NEK3: variants seen among roughly 807,000 people sequenced by gnomAD.
NEK3 encodes serine/threonine-protein kinase Nek3.
In NEK3, 54 loss-of-function variants were observed where a neutral mutation model predicts 66.0. The observed-to-expected ratio is 0.82, with a 90% CI of 0.66 to 1.03. The LOEUF is 1.03. NEK3 is among the 50% of genes least tolerant of loss of function. The pLI is 0.00. For missense variants in NEK3, 593 were observed against 603.0 expected (o/e 0.98, Z 0.17); for synonymous variants, 200 against 206.2 (o/e 0.97, Z 0.26).
Position 52,153,956 on chromosome 13 carries a change from T to C in NEK3, c.248A>G (p.Asp83Gly), listed in dbSNP as rs750044982. 2.5e-6 allele frequency: 4 copies of C among 1,612,912 alleles called. No homozygotes were observed. Among genetic ancestry groups the C allele is most frequent in the Non-Finnish European group, 3.4e-6 (4 of 1,179,274 alleles). ...GHLYIVMEYC[D>G]GGDLMQKIKQ... Reference sequence around the variant, plus strand: ...AATCTTTTGCATTAGATCCCCTCCATCACAGTATTCCATCACAATATACAA... The same window carrying C: ...AATCTTTTGCATTAGATCCCCTCCACCACAGTATTCCATCACAATATACAA... The change falls in exon 4 of 16, where the codon GAT becomes GGT. Residue 83 changes from aspartate (D) to glycine (G), a missense_variant. Asp to Gly is a moderately conservative substitution (Grantham distance 94, BLOSUM62 -1). Coordinates refer to ENST00000610828, the MANE Select transcript of NEK3 (RefSeq NM_002498.3).
upstream of NEK3, chr13:52,159,820 G>A (rs1366893199): frequency 6.6e-6 from 1 of 152,200 alleles, no homozygotes; most frequent in Admixed American, 6.5e-5. Flanking sequence ...TAAATTTCAC[G>A]GGCACAGCAC....
At chr13:52,151,785 T>C (rs965138739) in intron 5 of NEK3, among the ~76,000 whole-genome samples, 12 of 152,208 alleles carry the variant, frequency 7.9e-5, no homozygotes, top group South Asian at 2.1e-4. Context: ...CATAACCACA[T>C]TTCAGTCAAC....
intron 1 of NEK3, chr13:52,156,670 T>C (rs1388467051): frequency 6.5e-6 from 1 of 152,814 alleles, no homozygotes; most frequent in East Asian, 1.9e-4. Flanking sequence ...AGCATTCCCC[T>C]ACTTTTGTCT....
intron 11 of NEK3, 118 bp from the exon 12 acceptor site, chr13:52,137,020 G>T: frequency 3.4e-6 from 2 of 592,724 alleles, no homozygotes; most frequent in Non-Finnish European, 5.5e-6. Flanking sequence ...TAAAATACAT[G>T]AATAATCATA....
At chr13:52,140,384 G>A (rs1219714468) in intron 11 of NEK3, among the ~76,000 whole-genome samples, 1 of 152,108 alleles carries the variant, frequency 6.6e-6, no homozygotes, top group Non-Finnish European at 1.5e-5. Flanking sequence ...TGAGATGGGT[G>A]CATCACAAGG....
At chr13:52,144,493 A>G (rs1323910890) in intron 9 of NEK3, among the ~76,000 whole-genome samples, 198 bp downstream of exon 9, 1 of 152,240 alleles carries the variant, frequency 6.6e-6, no homozygotes, top group East Asian at 1.9e-4. Flanking sequence ...GGAAGGATAT[A>G]CAAACTGTGA....
intron 13 of NEK3, 30 bp from the exon 14 acceptor site, chr13:52,135,893 GAATA>G: frequency 6.3e-7 from 1 of 1,596,900 alleles, no homozygotes. Flanking sequence ...AATTAGTGCT[GAATA>G]AAAAAAGATT....
At chr13:52,140,998 A>G (rs1348580349) in intron 11 of NEK3, 22 bp downstream of exon 11, 18 of 1,573,902 alleles carry the variant, frequency 1.1e-5, no homozygotes, top group Admixed American at 1.9e-5. Flanking sequence ...CGGCCTCATA[A>G]AAGTAATTTT....
At chr13:52,149,625 T>G (rs1372085279) in intron 7 of NEK3, among the ~76,000 whole-genome samples, 1 of 152,094 alleles carries the variant, frequency 6.6e-6, no homozygotes, top group Non-Finnish European at 1.5e-5. Flanking sequence ...ATCCCAGCAC[T>G]TTGGGAGGCC....
At chr13:52,147,459 T>C (rs1156620798) in intron 8 of NEK3, among the ~76,000 whole-genome samples, 1 of 152,218 alleles carries the variant, frequency 6.6e-6, no homozygotes, top group Non-Finnish European at 1.5e-5. Context: ...GGAATCCTGA[T>C]AGATGCTACA....
chr13:52,143,799 T>C, intron 10 of NEK3, 116 bp downstream of exon 10: 2 of 632,914 alleles, frequency 3.2e-6, no homozygotes, highest in Admixed American at 3.1e-5. Flanking sequence ...AAAAGGTTCA[T>C]TTGAGGAGTA....
At chr13:52,142,279 CTTT>C (rs1318424547) in intron 10 of NEK3, among the ~76,000 whole-genome samples, 4 of 143,072 alleles carry the variant, frequency 2.8e-5, no homozygotes, top group African/African-American at 5.1e-5. Context: ...CTGGCTATCT[CTTT>C]TTTTTTTTTT....
intron 1 of NEK3, among the ~76,000 whole-genome samples, chr13:52,157,671 A>G (rs921416363): frequency 3.3e-5 from 5 of 152,236 alleles, no homozygotes; most frequent in Non-Finnish European, 5.9e-5. Context: ...TCTCCCATCT[A>G]TATTTCCAGG....
chr13:52,156,290 T>C (rs1956395998), intron 1 of NEK3, 42 bp from the exon 2 acceptor site: 1 of 732,044 alleles, frequency 1.4e-6, no homozygotes, highest in Non-Finnish European at 2.3e-6. Flanking sequence ...AAATGTACTT[T>C]CAAAAAGCAA....
At chr13:52,144,937 T>C (rs1306675538) in intron 8 of NEK3, 46 bp from the exon 9 acceptor site, 5 of 1,288,232 alleles carry the variant, frequency 3.9e-6, no homozygotes, top group Non-Finnish European at 3.3e-6. Context: ...GGGGAAGAAA[T>C]GGAAGCAAGA....
At chr13:52,140,367 G>A (rs1956238172) in intron 11 of NEK3, among the ~76,000 whole-genome samples, 1 of 152,130 alleles carries the variant, frequency 6.6e-6, no homozygotes, top group South Asian at 2.1e-4. Context: ...CCAGCACTTT[G>A]GGAGGCTGAG....
chr13:52,140,165 T>C (rs1375897602), intron 11 of NEK3, among the ~76,000 whole-genome samples: 1 of 140,008 alleles, frequency 7.1e-6, no homozygotes, highest in Non-Finnish European at 1.5e-5. Flanking sequence ...CAGTGAGCCA[T>C]GTTCACGTCA....
intron 1 of NEK3, chr13:52,157,280 T>A (rs2138217388): frequency 6.6e-6 from 1 of 151,726 alleles, no homozygotes. Flanking sequence ...GCTCCAACAA[T>A]AGAAAAGGCA....
chr13:52,156,615 T>A (rs9535886), intron 1 of NEK3: 5,240 of 154,450 alleles, frequency 0.034, 124 homozygotes, highest in South Asian at 0.075. Flanking sequence ...CCTTATCTTA[T>A]GTTAGCTTCC....
Sources: allele counts gnomAD v4.1 joint callset (sites outside exome capture counted in the v4.1 genomes callset), GRCh38; gene constraint gnomAD v4.1.1; transcripts MANE v1.5; gene names NCBI Gene and HGNC (gene_info 2026-07-23, HGNC 2026-07-21).